Variants in ODAD3 observed in about 807,000 individuals in gnomAD.
ODAD3 encodes the protein outer dynein arm docking complex subunit 3, also known as outer dynein arm-docking complex subunit 3.
ODAD3 carries 57 observed loss-of-function variants against 70.9 expected under a neutral mutation model. The observed-to-expected ratio is 0.80, with a 90% CI of 0.65 to 1.00. The LOEUF is 1.00. ODAD3 is among the 50% of genes least tolerant of loss of function. The pLI, the probability that ODAD3 is intolerant of heterozygous loss-of-function variation, is 0.00. For synonymous variants in ODAD3, 327 were observed against 315.9 expected, an observed-to-expected ratio of 1.04 and a Z score of -0.37; for missense variants, 797 against 763.9, an observed-to-expected ratio of 1.04 and a Z score of -0.51.
At chr19:11,421,618 T>G (rs1329415601) in intron 11 of ODAD3, 59 bp downstream of exon 11, 1 of 1,546,878 alleles carries the variant, frequency 6.5e-7, no homozygotes, top group Non-Finnish European at 8.7e-7. Context: ...GGTTCCCTGG[T>G]TTTCCGACCC....
In ODAD3 at chr19:11,422,485, T is replaced by C; in HGVS notation, c.1420A>G (p.Ile474Val). The change falls in exon 10 of 13, where the codon ATC (isoleucine) becomes GTC (valine). Residue 474 changes from isoleucine to valine, a missense_variant. Coordinates refer to ENST00000356392, the MANE Select transcript of ODAD3 (RefSeq NM_145045.5). This position sits in a 1 kb window ranked among gnomAD's most constrained non-coding sequence, Gnocchi z 4.6. ...GCGGGGCCTACCACAGTGATGTGGA[T>C]CAGCTTGCTGGCCAGGTGCTCCAGG... ...DSLEHLASKL[I>V]HITVEDGRFA... 2 of 1,593,536 alleles carry C rather than the reference T, an allele frequency of 1.3e-6. No homozygotes were observed. The highest frequency in any genetic ancestry group is 1.7e-6 in the Non-Finnish European group (2 of 1,171,530).
chr19:11,425,341 A>ATGTACATG (rs1969308104), intron 7 of ODAD3, among the ~76,000 whole-genome samples: 7 of 126,808 alleles, frequency 5.5e-5, no homozygotes, highest in East Asian at 2.4e-4. Context: ...ATGTGTATAT[A>ATGTACATG]TGTATATATG....
intron 7 of ODAD3, among the ~76,000 whole-genome samples, chr19:11,425,909 G>A (rs1445313754): frequency 6.6e-6 from 1 of 151,018 alleles, no homozygotes; most frequent in Non-Finnish European, 1.5e-5. Context: ...TAAGGGGAAG[G>A]CTGGAGGCCA....
Position 11,425,315 on chromosome 19 carries a change from A to ATGTGTATATGTACATATG in ODAD3, c.963+811_963+828dup, listed in dbSNP as rs1969303976. 3.7e-5 allele frequency among the ~76,000 whole-genome samples: 5 copies of ATGTGTATATGTACATATG among 134,490 alleles called. 2 individuals carry two copies. Among genetic ancestry groups the ATGTGTATATGTACATATG allele is most frequent in the African/African-American group, 1.6e-4 (5 of 30,606 alleles). 88.2% of individuals were successfully genotyped at this position (134,490 alleles called of 152,430 possible). On this transcript the variant is annotated intron_variant, in intron 7 of 12. Coordinates refer to ENST00000356392, the MANE Select transcript of ODAD3 (RefSeq NM_145045.5). ...TGTGTATATATGTGTATGTGTACAT[A>ATGTGTATATGTACATATG]TGTGTATATGTACATATGTGTATAT...
chr19:11,434,409 G>A (rs1568356000), intron 1 of ODAD3: 1 of 163,210 alleles, frequency 6.1e-6, no homozygotes, highest in Non-Finnish European at 1.3e-5. Flanking sequence ...GTGGTGGCGT[G>A]TGCCTGTAGT....
chr19:11,430,254 C>T (rs1468735556), intron 3 of ODAD3, among the ~76,000 whole-genome samples: 1 of 152,128 alleles, frequency 6.6e-6, no homozygotes, highest in African/African-American at 2.4e-5. Context: ...TCTCCTGCCT[C>T]AGCCTCCCGA....
intron 7 of ODAD3, among the ~76,000 whole-genome samples, chr19:11,425,248 T>C (rs1459605711): frequency 2.4e-5 from 3 of 122,624 alleles, no homozygotes; most frequent in Non-Finnish European, 1.6e-5. Flanking sequence ...TATGTGTATA[T>C]ATGTATATGT....
Position 11,426,262 on chromosome 19 carries a change from T to G in ODAD3, c.845A>C (p.Gln282Pro). 6.2e-7 allele frequency: 1 copy of G among 1,613,720 alleles called. No individual in the cohort carries two copies. Among genetic ancestry groups the G allele is most frequent in the Non-Finnish European group, 8.5e-7 (1 of 1,179,876 alleles). Reference sequence around the variant, plus strand: ...CAAGGTCTCCTCTAGGTACTGCAGCTGGTTCTGGAGGGCGGGCAGGGTAGC... The same window carrying G: ...CAAGGTCTCCTCTAGGTACTGCAGCGGGTTCTGGAGGGCGGGCAGGGTAGC... ...ALNARDIAKN[Q>P]LQYLEETLVR... Residue 282 changes from glutamine to proline, a missense_variant, in exon 7 of 13, where the codon CAG becomes CCG. Physicochemically the swap from Gln to Pro is moderately conservative, Grantham distance 76 (BLOSUM62 -1). Coordinates refer to ENST00000356392, the MANE Select transcript of ODAD3 (RefSeq NM_145045.5).
At chr19:11,425,915 G>A (rs1186779247) in intron 7 of ODAD3, among the ~76,000 whole-genome samples, 1 of 151,066 alleles carries the variant, frequency 6.6e-6, no homozygotes, top group African/African-American at 2.4e-5. Flanking sequence ...GAAGGCTGGA[G>A]GCCATGTCAG....
Position 11,423,887 on chromosome 19 carries a change from T to C in ODAD3, c.1106A>G (p.Asp369Gly), listed in dbSNP as rs759445372. The C allele has an allele frequency of 6.2e-7, 1 of 1,610,356 alleles. No homozygotes were observed. Among genetic ancestry groups the C allele is most frequent in the Non-Finnish European group, 8.5e-7 (1 of 1,178,842 alleles). Reference sequence around the variant, plus strand: ...GCGGGCAGAACTCACGTGCGTCTCGTCAGTGCCAGTGGCGTCCTTGACCTT... The same window carrying C: ...GCGGGCAGAACTCACGTGCGTCTCGCCAGTGCCAGTGGCGTCCTTGACCTT... ...FGKVKDATGT[D>G]ETHSLVRRFL... Residue 369 changes from aspartate to glycine, a missense_variant, in exon 8 of 13, where the codon GAC becomes GGC. By Grantham distance (94) the Asp-to-Gly change is moderately conservative. Transcript: ENST00000356392.
Position 11,422,379 on chromosome 19 carries a change from C to CG in ODAD3, c.1434+91dup, listed in dbSNP as rs1568346717. 1 of 1,420,742 alleles carries CG rather than the reference C, an allele frequency of 7.0e-7. No individual in the cohort carries two copies. Among genetic ancestry groups the CG allele is most frequent in the Non-Finnish European group, 9.3e-7 (1 of 1,074,948 alleles). The allele number at this position is 1,420,742 out of a possible 1,614,324, so 88.0% of individuals were successfully genotyped here. A position where few individuals can be genotyped will look rare whatever the true frequency, so the allele number is the denominator to read the frequency against. On this transcript the variant is annotated intron_variant, in intron 10 of 12. Transcript: ENST00000356392. The surrounding 1 kb of genome is among the most constrained non-coding windows in gnomAD (Gnocchi z 4.6). Reference sequence around the variant, plus strand: ...GAGGATGTGGCAGGCCACGTTCCCTCGGGCAAGCTGGTGTGGCAGGAACCC... The same window carrying CG: ...GAGGATGTGGCAGGCCACGTTCCCTCGGGGCAAGCTGGTGTGGCAGGAACCC...
rs1599461470 is a variant in ODAD3 at position 11,426,135 on chromosome 19, T to G, written c.963+9A>C. On this transcript the variant is annotated intron_variant, in intron 7 of 12. Coordinates refer to ENST00000356392, the MANE Select transcript of ODAD3 (RefSeq NM_145045.5). ...GGAGTCACAGGCGCGCACCCCTGGG[T>G]GCGCCCACCTTGCGCTCCATGCGCT... is the stretch of plus-strand genomic sequence containing the variant. 6.2e-7 allele frequency: 1 copy of G among 1,602,182 alleles called. No individual in the cohort carries two copies. Among genetic ancestry groups the G allele is most frequent in the Non-Finnish European group, 8.5e-7 (1 of 1,177,012 alleles).
In ODAD3 at chr19:11,426,455, G is replaced by A; in HGVS notation, c.831C>T (p.Asp277=). Residue 277 remains aspartate, a synonymous_variant, in exon 6 of 13, where the codon GAC becomes GAT. Coordinates refer to ENST00000356392, the MANE Select transcript of ODAD3 (RefSeq NM_145045.5). ...GCAAGAGGGGTGGCACCTTGGCAAT[G>A]TCCCGGGCATTGAGGGCCTCTTGGT... is the stretch of plus-strand genomic sequence containing the variant. ...VVNQEALNAR[D]IAKNQLQYLE... 6.2e-7 allele frequency: 1 copy of A among 1,614,066 alleles called. No individual in the cohort carries two copies. The highest frequency in any genetic ancestry group is 8.5e-7 in the Non-Finnish European group (1 of 1,179,970).
rs1167009347 is a variant in ODAD3, at chr19:11,426,778, G to A, written c.619C>T (p.Arg207Trp). Residue 207 changes from arginine (R) to tryptophan (W), a missense_variant, in exon 5 of 13, where the codon CGG becomes TGG. Coordinates refer to ENST00000356392, the MANE Select transcript of ODAD3 (RefSeq NM_145045.5). Reference protein sequence around the residue: ...NRHTEVAKTMRNLENRLEKAQ... With the variant: ...NRHTEVAKTMWNLENRLEKAQ... ...TTCTCCAGGCGGTTCTCCAGGTTCC[G>A]CATGGTCTGGAGAGCAGCAGGGCTG... 3 of 1,613,850 alleles carry A rather than the reference G, an allele frequency of 1.9e-6. No individual in the cohort carries two copies. Among genetic ancestry groups the A allele is most frequent in the Admixed American group, 1.7e-5 (1 of 60,012 alleles).
chr19:11,421,265 G>A, intron 11 of ODAD3, 53 bp from the exon 12 acceptor site: 2 of 1,507,464 alleles, frequency 1.3e-6, no homozygotes, highest in South Asian at 2.4e-5. Context: ...AGGGGCCACC[G>A]AGAAGTCACG....
At chr19:11,433,528 T>G (rs1198205121) in intron 1 of ODAD3, among the ~76,000 whole-genome samples, 1 of 152,196 alleles carries the variant, frequency 6.6e-6, no homozygotes. Context: ...CTATCCCCAT[T>G]TCACACATCG....
At chr19:11,421,264 C>G (rs749681266) in intron 11 of ODAD3, 52 bp from the exon 12 acceptor site, 11 of 1,511,852 alleles carry the variant, frequency 7.3e-6, no homozygotes, top group African/African-American at 1.4e-5. Context: ...CAGGGGCCAC[C>G]GAGAAGTCAC....
chr19:11,435,342 C>T (rs141441383), upstream of ODAD3: 1,798 of 559,994 alleles, frequency 3.2e-3, 3 homozygotes, highest in Middle Eastern at 8.9e-3. Context: ...GTGCTCATTC[C>T]GTTTCCCTAC....
At chr19:11,421,542 G>T (rs1487264780) in intron 11 of ODAD3, 135 bp downstream of exon 11, 9 of 1,214,442 alleles carry the variant, frequency 7.4e-6, no homozygotes, top group Non-Finnish European at 6.9e-6. Flanking sequence ...GTCAAACCTC[G>T]CCCGTTGTCC....
Sources: gnomAD v4.1 joint callset for allele counts (sites outside exome capture counted in the v4.1 genomes callset) on GRCh38, gnomAD v4.1.1 for gene constraint, Gnocchi (gnomAD v3.1) non-coding constraint, MANE v1.5 for transcripts, NCBI Gene and HGNC (gene_info 2026-07-23, HGNC 2026-07-21) for gene names.